The following NCAPG2 variants were observed in gnomAD, a reference collection of about 807,000 sequenced individuals.
The protein encoded by NCAPG2 is non-SMC condensin II complex subunit G2, also known as condensin-2 complex subunit G2.
Under a neutral mutation model 141.1 loss-of-function variants are expected in NCAPG2, and 53 were observed. The ratio of observed to expected loss-of-function variants is 0.38; its 90% confidence interval spans 0.30 to 0.47. The LOEUF (loss-of-function observed/expected upper bound fraction) is 0.47, where lower values mean the gene tolerates loss of function less well. Among genes scored for constraint, NCAPG2 ranks in the 20% least tolerant of loss-of-function variants. The pLI, the probability that NCAPG2 is intolerant of heterozygous loss-of-function variation, is 0.99. For missense variants in NCAPG2, 1,087 were observed against 1,389.0 expected (o/e 0.78, Z 3.46); for synonymous variants, 499 against 490.7 (o/e 1.02, Z -0.22).
At chr7:158,636,329 C>G (rs1830190521) in intron 27 of NCAPG2, among the ~76,000 whole-genome samples, 1 of 151,974 alleles carries the variant, frequency 6.6e-6, no homozygotes, top group African/African-American at 2.4e-5. Flanking sequence ...TTCCTCTTCC[C>G]TTTCATCTTC....
intron 16 of NCAPG2, among the ~76,000 whole-genome samples, chr7:158,660,401 CTTTTTTTTT>C (rs945928092): frequency 1.4e-5 from 1 of 72,820 alleles, no homozygotes; most frequent in South Asian, 5.0e-4. Context: ...TTTCAGCTTT[CTTTTTTTTT>C]TTTTTTTTTT....
intron 27 of NCAPG2, 144 bp downstream of exon 27, chr7:158,644,145 C>T: frequency 3.3e-6 from 2 of 601,954 alleles, no homozygotes; most frequent in South Asian, 2.7e-5. Context: ...AGGTCTTTGC[C>T]AACAGAAACA....
chr7:158,631,343 C>A lies in NCAPG2; in HGVS notation c.*323G>T. 1 of 287,608 alleles carries A rather than the reference C, an allele frequency of 3.5e-6. No individual in the cohort carries two copies. Among genetic ancestry groups the A allele is most frequent in the Non-Finnish European group, 6.4e-6 (1 of 157,268 alleles). 17.8% of individuals were successfully genotyped at this position (287,608 alleles called of 1,614,324 possible). On this transcript the variant is annotated 3_prime_UTR_variant, in exon 28 of 28. Transcript: ENST00000356309. ...TCATTGCTTTATTACTCATAGTTTCCAAGCAATATTACATATATAAAAGTC... is the reference window on the plus strand; with the variant it reads ...TCATTGCTTTATTACTCATAGTTTCAAAGCAATATTACATATATAAAAGTC...
chr7:158,700,758 T>TTTG (rs78043420), intron 2 of NCAPG2, among the ~76,000 whole-genome samples: 139,048 of 152,080 alleles, frequency 0.91, 63,694 homozygotes, highest in African/African-American at 0.98. Flanking sequence ...CCTCTAATTC[T>TTTG]TTGTCACTAA....
chr7:158,677,525 C>CAAAAAAAAAAAAAAAAAAAAAAAAAAAAA, intron 11 of NCAPG2, among the ~76,000 whole-genome samples: 32 of 90,396 alleles, frequency 3.5e-4, no homozygotes, highest in African/African-American at 4.6e-4. Context: ...AAAAATAAAG[C>CAAAAAAAAAAAAAAAAAAAAAAAAAAAAA]AAAAAAAAAA....
intron 2 of NCAPG2, 36 bp from the exon 3 acceptor site, chr7:158,693,533 C>T (rs773262853): frequency 6.5e-7 from 1 of 1,541,094 alleles, no homozygotes; most frequent in East Asian, 2.3e-5. Flanking sequence ...ATTTCAAATA[C>T]AAAAAATTAA....
chr7:158,699,509 C>CA (rs1563585618), intron 2 of NCAPG2, among the ~76,000 whole-genome samples: 1 of 152,200 alleles, frequency 6.6e-6, no homozygotes, highest in Non-Finnish European at 1.5e-5. Flanking sequence ...AAACACAACT[C>CA]AGACACCTAC....
In NCAPG2 at chr7:158,692,899, C is replaced by T. The variant is rs1835219904; in HGVS notation, c.325G>A (p.Val109Ile). 1.9e-6 allele frequency: 3 copies of T among 1,594,508 alleles called. No homozygotes were observed. The highest frequency in any genetic ancestry group is 2.6e-6 in the Non-Finnish European group (3 of 1,166,552). The stretch of plus-strand genomic sequence containing the variant: ...TCGTAGTTCTCACTTTCATTTATTA[C>T]AGACACAGAAGCAAGAATCACAGAT... Reference protein sequence around the residue: ...ITSVILASVSVINESENYEAL... With the variant: ...ITSVILASVSIINESENYEAL... The change falls in exon 4 of 28, where the codon GTA becomes ATA. Residue 109 changes from valine to isoleucine, a missense_variant. Coordinates refer to ENST00000356309, the MANE Select transcript of NCAPG2 (RefSeq NM_017760.7).
At chr7:158,679,152 G>A (rs1587246694) in intron 11 of NCAPG2, among the ~76,000 whole-genome samples, 1 of 152,192 alleles carries the variant, frequency 6.6e-6, no homozygotes, top group African/African-American at 2.4e-5. Context: ...CACTGTGCAG[G>A]CCTATTATAC....
At position 158,656,360 on chromosome 7, in the gene NCAPG2, T is replaced by G; in HGVS notation, c.2288A>C (p.Tyr763Ser). ...RPVKPELALV[Y>S]IEYLLTHPKN... ...TGGATGAGTCAGCAGATACTCAATG[T>G]AGACCAATGCCAATTCAGGTTTGAC... Residue 763 changes from tyrosine to serine, a missense_variant, in exon 19 of 28, where the codon TAC becomes TCC. Coordinates refer to ENST00000356309, the MANE Select transcript of NCAPG2 (RefSeq NM_017760.7). 6.2e-7 allele frequency: 1 copy of G among 1,614,204 alleles called. No homozygotes were observed. The highest frequency in any genetic ancestry group is 1.1e-5 in the South Asian group (1 of 91,088).
chr7:158,651,365 T>C lies in NCAPG2; in HGVS notation c.2935-393A>G, dbSNP rs147385904. 7.0e-3 allele frequency among the ~76,000 whole-genome samples: 1,069 copies of C among 152,246 alleles called. 4 individuals carry two copies. The highest frequency in any genetic ancestry group is 0.012 in the Admixed American group (178 of 15,274). ...GAAACCTAAAGGTTTTGGCACAAATTACATAAAAGATCACAGGCACTTGAA... is the reference window on the plus strand; with the variant it reads ...GAAACCTAAAGGTTTTGGCACAAATCACATAAAAGATCACAGGCACTTGAA... On this transcript the variant is annotated intron_variant, in intron 23 of 27. Transcript: ENST00000356309.
At chr7:158,701,961 T>C in intron 1 of NCAPG2, 23 bp from the exon 2 acceptor site, 1 of 1,321,746 alleles carries the variant, frequency 7.6e-7, no homozygotes, top group South Asian at 1.3e-5. Context: ...ACAATCATAC[T>C]GAAACACTTG....
At chr7:158,667,052 TG>T in intron 13 of NCAPG2, 1 of 869,658 alleles carries the variant, frequency 1.1e-6, no homozygotes, top group Non-Finnish European at 1.4e-6. Flanking sequence ...AGCTGTCCTC[TG>T]GCCAGCCAGA....
chr7:158,678,397 T>A lies in NCAPG2; in HGVS notation c.1146+1563A>T, dbSNP rs115587208. Among the ~76,000 whole-genome samples the A allele has an allele frequency of 1.7e-3, 252 of 152,266 alleles. 1 individual carries two copies. The highest frequency in any genetic ancestry group is 0.01 in the Middle Eastern group (3 of 292). ...GTACCTGCTCCTACACAGCCCACAG[T>A]GCTAAGAATGGTTCATATTTCTTAA... On this transcript the variant is annotated intron_variant, in intron 11 of 27. Transcript: ENST00000356309.
chr7:158,669,892 C>T (rs1481104008), intron 13 of NCAPG2, among the ~76,000 whole-genome samples: 1 of 151,820 alleles, frequency 6.6e-6, no homozygotes, highest in Non-Finnish European at 1.5e-5. Flanking sequence ...CCTCCCACCT[C>T]AGCTTCCCAA....
At chr7:158,654,507 G>T (rs1831750621) in intron 22 of NCAPG2, 88 bp downstream of exon 22, 2 of 1,291,118 alleles carry the variant, frequency 1.5e-6, no homozygotes, top group Non-Finnish European at 1.1e-6. Flanking sequence ...TCACTTAAAA[G>T]TGAGAGTTCT....
chr7:158,679,640 G>A (rs1231600112), intron 11 of NCAPG2, among the ~76,000 whole-genome samples: 1 of 152,178 alleles, frequency 6.6e-6, no homozygotes, highest in African/African-American at 2.4e-5. Flanking sequence ...TGACACCAGA[G>A]CATGTGCTTT....
chr7:158,641,260 TAACA>T (rs941404960), intron 27 of NCAPG2: 34 of 374,310 alleles, frequency 9.1e-5, no homozygotes, highest in Non-Finnish European at 1.5e-4. Flanking sequence ...TAGAAGACAA[TAACA>T]AATATGGTGG....
chr7:158,684,911 T>G (rs538573724), intron 8 of NCAPG2, among the ~76,000 whole-genome samples: 1 of 152,276 alleles, frequency 6.6e-6, no homozygotes, highest in African/African-American at 2.4e-5. Flanking sequence ...AAGTGTAAGT[T>G]GTGCAGAGGA....
Sources: gnomAD v4.1 joint callset for allele counts (sites outside exome capture counted in the v4.1 genomes callset) on GRCh38, gnomAD v4.1.1 for gene constraint, MANE v1.5 for transcripts, NCBI Gene and HGNC (gene_info 2026-07-23, HGNC 2026-07-21) for gene names.